GARRE1: variants seen among roughly 807,000 people sequenced by gnomAD.
The protein encoded by GARRE1 is granule associated Rac and RHOG effector protein 1.
In GARRE1, 49 loss-of-function variants were observed where a neutral mutation model predicts 103.2. The observed-to-expected ratio is 0.47, with a 90% CI of 0.38 to 0.60. GARRE1 has a LOEUF of 0.60. Ranked by LOEUF, GARRE1 falls within the 20% of genes least tolerant of loss-of-function variation. The pLI, the probability that GARRE1 is intolerant of heterozygous loss-of-function variation, is 0.00. For synonymous variants in GARRE1, 505 were observed against 532.8 expected (o/e 0.95, Z 0.72); for missense variants, 1,199 against 1,370.5 (o/e 0.87, Z 1.98).
intron 7 of GARRE1, among the ~76,000 whole-genome samples, chr19:34,333,343 G>T (rs2074145970): frequency 6.6e-6 from 1 of 152,184 alleles, no homozygotes; most frequent in African/African-American, 2.4e-5. Context: ...ACCCAGTCTG[G>T]TTTGACTTTC....
intron 2 of GARRE1, among the ~76,000 whole-genome samples, chr19:34,305,623 C>T (rs550997705): frequency 3.3e-5 from 5 of 152,300 alleles, no homozygotes; most frequent in East Asian, 3.9e-4. Flanking sequence ...AGGGCAAGTG[C>T]GCCTGTTGCC....
intron 2 of GARRE1, among the ~76,000 whole-genome samples, chr19:34,306,027 G>C (rs1413138688): frequency 6.6e-6 from 1 of 152,162 alleles, no homozygotes; most frequent in Non-Finnish European, 1.5e-5. Context: ...TTTCCCCAGA[G>C]CAATATTTGT....
chr19:34,353,061 C>A lies in GARRE1; in HGVS notation c.*106C>A. 2.9e-6 allele frequency: 3 copies of A among 1,041,370 alleles called. No homozygotes were observed. Among genetic ancestry groups the A allele is most frequent in the Non-Finnish European group, 4.1e-6 (3 of 735,578 alleles). 64.5% of individuals were successfully genotyped at this position (1,041,370 alleles called of 1,614,324 possible). On this transcript the variant is annotated 3_prime_UTR_variant, in exon 14 of 14. Coordinates refer to ENST00000299505, the MANE Select transcript of GARRE1 (RefSeq NM_014686.5). Reference sequence around the variant, plus strand: ...TAGCTGACACCAGCCCCTCAGAGGACCAGTGCGCCCCATCCCAGGGAGGGT... The same window carrying A: ...TAGCTGACACCAGCCCCTCAGAGGAACAGTGCGCCCCATCCCAGGGAGGGT...
intron 1 of GARRE1, among the ~76,000 whole-genome samples, chr19:34,256,495 GGGC>G (rs1260667594): frequency 2.6e-5 from 4 of 151,352 alleles, no homozygotes; most frequent in African/African-American, 9.7e-5. Flanking sequence ...GCTCCAGCCT[GGGC>G]AACAGAGTGA....
chr19:34,303,705 G>C (rs904582122), intron 2 of GARRE1, among the ~76,000 whole-genome samples: 1 of 151,850 alleles, frequency 6.6e-6, no homozygotes, highest in East Asian at 2.0e-4. Flanking sequence ...AGCCTCCGCT[G>C]CCCGGGTTCA....
At chr19:34,320,583 A>G (rs1017890446) in intron 3 of GARRE1, among the ~76,000 whole-genome samples, 2 of 152,234 alleles carry the variant, frequency 1.3e-5, no homozygotes, top group Non-Finnish European at 2.9e-5. Context: ...ATGGGATGAC[A>G]GGCTCCAAAG....
At chr19:34,267,098 C>T (rs2073757365) in intron 1 of GARRE1, among the ~76,000 whole-genome samples, 1 of 152,136 alleles carries the variant, frequency 6.6e-6, no homozygotes, top group African/African-American at 2.4e-5. Flanking sequence ...ACCCCATCTT[C>T]TGCAGAAAAA....
At chr19:34,281,441 C>T (rs148285291) in intron 1 of GARRE1, among the ~76,000 whole-genome samples, 1 of 152,346 alleles carries the variant, frequency 6.6e-6, no homozygotes, top group East Asian at 1.9e-4. Flanking sequence ...CAGACGCCTG[C>T]CACTATGCCT....
At position 34,349,174 on chromosome 19, in the gene GARRE1, C is replaced by T. The variant is rs555526579; in HGVS notation, c.2825+21C>T. On this transcript the variant is annotated intron_variant, in intron 12 of 13. Transcript: ENST00000299505. Reference sequence around the variant, plus strand: ...AGAAGGTATGAAGGGATTTCTAAACCAAGGTGGGGAGAGAAGGGCATGTGA... The same window carrying T: ...AGAAGGTATGAAGGGATTTCTAAACTAAGGTGGGGAGAGAAGGGCATGTGA... 16 of 1,610,014 alleles carry T rather than the reference C, an allele frequency of 9.9e-6. No individual in the cohort carries two copies. The African/African-American group carries it at 2.1e-4, about 21-fold the overall frequency.
chr19:34,347,370 G>A (rs930621099), intron 10 of GARRE1, among the ~76,000 whole-genome samples: 8 of 152,110 alleles, frequency 5.3e-5, no homozygotes, highest in Non-Finnish European at 8.8e-5. Context: ...GATTACAGGC[G>A]TGAGCCACCG....
chr19:34,310,220 T>TA (rs2074030204), intron 2 of GARRE1, among the ~76,000 whole-genome samples: 2 of 152,232 alleles, frequency 1.3e-5, no homozygotes, highest in South Asian at 4.1e-4. Flanking sequence ...TTTTTGGTTC[T>TA]AGTCAGCTTA....
At chr19:34,337,051 T>G (rs977605384) in intron 8 of GARRE1, among the ~76,000 whole-genome samples, 14 of 91,944 alleles carry the variant, frequency 1.5e-4, no homozygotes, top group East Asian at 6.5e-4. Context: ...TTTAGTTCTG[T>G]TTTTTTTTTT....
In GARRE1 at chr19:34,341,718, G is replaced by T; in HGVS notation, c.1784G>T (p.Gly595Val). The change falls in exon 10 of 14, where the codon GGT (glycine) becomes GTT (valine). Residue 595 changes from glycine (G) to valine (V), a missense_variant. Coordinates refer to ENST00000299505, the MANE Select transcript of GARRE1 (RefSeq NM_014686.5). ...DTRLQSILNI[G>V]NFPRTTDPSQ... ...AGGTTACAAAGCATTTTGAACATTG[G>T]TAATTTCCCCAGGACTACAGACCCT... The T allele has an allele frequency of 1.2e-6, 2 of 1,614,178 alleles. No individual in the cohort carries two copies. The highest frequency in any genetic ancestry group is 8.5e-7 in the Non-Finnish European group (1 of 1,180,028).
At chr19:34,302,495 T>A (rs2073985259) in intron 2 of GARRE1, among the ~76,000 whole-genome samples, 1 of 151,638 alleles carries the variant, frequency 6.6e-6, no homozygotes, top group Non-Finnish European at 1.5e-5. Context: ...GGTTTCACCA[T>A]CTTGGCCAGG....
intron 1 of GARRE1, among the ~76,000 whole-genome samples, chr19:34,267,612 C>CT (rs544099217): frequency 1.1e-3 from 169 of 151,916 alleles, no homozygotes; most frequent in African/African-American, 3.7e-3. Flanking sequence ...GTAATCCAAC[C>CT]TTTTTTTTAG....
chr19:34,296,679 A>G, intron 1 of GARRE1: 1 of 859,000 alleles, frequency 1.2e-6, no homozygotes, highest in Non-Finnish European at 1.9e-6. Flanking sequence ...GGGTTTCTTG[A>G]TAGCATTTCT....
intron 5 of GARRE1, 55 bp downstream of exon 5, chr19:34,327,921 A>G: frequency 8.1e-6 from 13 of 1,612,796 alleles, no homozygotes; most frequent in Non-Finnish European, 1.1e-5. Context: ...CCTGCAGTCT[A>G]GTGTGAACCA....
At chr19:34,281,132 C>T (rs368979006) in intron 1 of GARRE1, among the ~76,000 whole-genome samples, 2 of 152,186 alleles carry the variant, frequency 1.3e-5, no homozygotes, top group East Asian at 1.9e-4. Context: ...ATTGATTGAC[C>T]GATTGATGGA....
At position 34,333,764 on chromosome 19, in the gene GARRE1, G is replaced by GA; in HGVS notation, c.1326dup (p.Gly443ArgfsTer3). On this transcript the variant is annotated frameshift_variant, in exon 8 of 14. Transcript: ENST00000299505. LOFTEE classifies it high-confidence loss of function. Reference sequence around the variant, plus strand: ...AGCCTATGCCCCCCAGATCAGTTTAGAAGGCTCTAGAATCGTGGTTCAAGT... The same window carrying GA: ...AGCCTATGCCCCCCAGATCAGTTTAGAAAGGCTCTAGAATCGTGGTTCAAGT... 6.4e-7 allele frequency: 1 copy of GA among 1,571,566 alleles called. No individual in the cohort carries two copies. The highest frequency in any genetic ancestry group is 8.7e-7 in the Non-Finnish European group (1 of 1,152,916).
Sources: gnomAD v4.1 joint callset for allele counts (sites outside exome capture counted in the v4.1 genomes callset) on GRCh38, gnomAD v4.1.1 for gene constraint, MANE v1.5 for transcripts, NCBI Gene and HGNC (gene_info 2026-07-23, HGNC 2026-07-21) for gene names.